Variants in RIF1 observed in about 807,000 individuals in gnomAD.
RIF1 encodes replication timing regulatory factor 1.
RIF1 carries 45 observed loss-of-function variants against 247.1 expected under a neutral mutation model. The ratio of observed to expected loss-of-function variants is 0.18; its 90% CI spans 0.14 to 0.23. The LOEUF is 0.23. Among genes scored for constraint, RIF1 ranks in the 10% least tolerant of loss-of-function variants. The probability of loss-of-function intolerance (pLI) is 1.00; values close to 1 mark genes in which losing one functional copy is unlikely to be tolerated. For synonymous variants in RIF1, 1,087 were observed against 978.8 expected, an observed-to-expected ratio of 1.11 and a Z score of -2.06; for missense variants, 2,967 against 2,862.5, an observed-to-expected ratio of 1.04 and a Z score of -0.83.
At chr2:151,482,987 C>T (rs1028210048), downstream of RIF1, among the ~76,000 whole-genome samples, 4 of 151,868 alleles carry the variant, frequency 2.6e-5, no homozygotes, top group Non-Finnish European at 5.9e-5. Context: ...CTAAATTTCC[C>T]TTTTATAAGG....
chr2:151,532,073 G>T, the RIF1 span: 2 of 554,214 alleles, frequency 3.6e-6, no homozygotes, highest in African/African-American at 3.8e-5. Flanking sequence ...GGAGTGAGCA[G>T]ATGATACTAC....
Position 151,498,001 on chromosome 2 carries a change from G to C in RIF1, c.*514-1344G>C, listed in dbSNP as rs910674725. ...CTCCTAAACAATCACATGAGGATTT[G>C]AGACTGTTAGAACTCGGTGTTGTTA... is the stretch of plus-strand genomic sequence containing the variant. On this transcript the variant is annotated intron_variant and NMD_transcript_variant, in intron 10 of 13. Coordinates refer to the RIF1 transcript ENST00000454583. 6.3e-6 allele frequency: 9 copies of C among 1,433,984 alleles called. No homozygotes were observed. In the East Asian group the frequency reaches 2.0e-4, roughly 32 times the overall value. 88.8% of individuals were successfully genotyped at this position (1,433,984 alleles called of 1,614,324 possible). A position where few individuals can be genotyped will look rare whatever the true frequency, so the allele number is the denominator to read the frequency against.
the RIF1 span, chr2:151,519,522 A>G: frequency 1.4e-6 from 1 of 690,760 alleles, no homozygotes. Context: ...TTCTGTTGGT[A>G]TGAAAACATT....
At chr2:151,439,845 C>T (rs1331861085) in intron 14 of RIF1, among the ~76,000 whole-genome samples, 182 bp from the exon 15 acceptor site, 2 of 150,762 alleles carry the variant, frequency 1.3e-5, no homozygotes, top group Middle Eastern at 3.4e-3. Flanking sequence ...TGGTGGTGCA[C>T]ACCTGTAATC....
chr2:151,528,472 GGTAC>G, the RIF1 span, among the ~76,000 whole-genome samples: 15 of 152,068 alleles, frequency 9.9e-5, no homozygotes, highest in Non-Finnish European at 4.4e-5. Context: ...GATTTTGCAA[GGTAC>G]GTTTTACTGC....
chr2:151,505,701 T>G, intron 12 of RIF1: 1 of 728,420 alleles, frequency 1.4e-6, no homozygotes, highest in South Asian at 1.6e-5. Flanking sequence ...GCTTTATACT[T>G]AGTGTGAATG....
intron 11 of RIF1, chr2:151,502,935 A>T: frequency 8.7e-7 from 1 of 1,150,630 alleles, no homozygotes; most frequent in Non-Finnish European, 1.3e-6. Flanking sequence ...AGGCACAGAG[A>T]GTAAGGAAGG....
intron 10 of RIF1, 124 bp from the exon 11 acceptor site, chr2:151,435,339 A>G (rs903189407): frequency 4.6e-6 from 3 of 647,544 alleles, no homozygotes; most frequent in African/African-American, 1.8e-5. Flanking sequence ...CTGTTTGTGC[A>G]TGGAAACGAT....
chr2:151,486,044 A>T, downstream of RIF1: 1 of 1,113,916 alleles, frequency 9.0e-7, no homozygotes, highest in South Asian at 1.5e-5. Context: ...AAGTTGAACA[A>T]AAGAGAATGT....
intron 20 of RIF1, among the ~76,000 whole-genome samples, chr2:151,447,364 G>T (rs1693500954): frequency 6.6e-6 from 1 of 152,172 alleles, no homozygotes; most frequent in Non-Finnish European, 1.5e-5. Context: ...ATATGCATTT[G>T]AATATATGGT....
chr2:151,466,157 A>G, intron 30 of RIF1, 37 bp downstream of exon 30: 1 of 1,331,272 alleles, frequency 7.5e-7, no homozygotes, highest in Non-Finnish European at 1.0e-6. Flanking sequence ...GGAACCCAGT[A>G]TTTGGTTGGG....
Position 151,455,027 on chromosome 2 carries a change from C to G in RIF1, c.2477C>G (p.Thr826Ser). Residue 826 changes from threonine (T) to serine (S), a missense_variant, in exon 22 of 36, where the codon ACC becomes AGC. Physicochemically the swap from Thr to Ser is moderately conservative, Grantham distance 58. Transcript: ENST00000444746. ...TLSFKEAHSD[T>S]LFTIGNSITG... ...AGCTTCAAGGAAGCACATTCTGATA[C>G]CCTCTTCACTATTGGCAACTCAATC... The G allele has an allele frequency of 1.9e-6, 3 of 1,613,860 alleles. No individual in the cohort carries two copies. Among genetic ancestry groups the G allele is most frequent in the Non-Finnish European group, 2.5e-6 (3 of 1,179,824 alleles).
intron 9 of RIF1, chr2:151,492,226 G>T (rs1161542873): frequency 6.2e-7 from 1 of 1,613,874 alleles, no homozygotes; most frequent in Admixed American, 1.7e-5. Context: ...GATAGGATCT[G>T]TCACCACTGG....
downstream of RIF1, among the ~76,000 whole-genome samples, chr2:151,509,329 AAC>A (rs1187308589): frequency 1.3e-5 from 2 of 152,082 alleles, no homozygotes; most frequent in African/African-American, 4.8e-5. Flanking sequence ...ATGTAAGGAA[AAC>A]AGTTCTCATT....
downstream of RIF1, among the ~76,000 whole-genome samples, chr2:151,510,697 A>G (rs2073535250): frequency 6.6e-6 from 1 of 152,176 alleles, no homozygotes; most frequent in African/African-American, 2.4e-5. Context: ...CTAATTTACA[A>G]ATTAAGCTTT....
chr2:151,410,147 G>T, intron 1 of RIF1, 114 bp downstream of exon 1: 2 of 671,512 alleles, frequency 3.0e-6, no homozygotes, highest in Non-Finnish European at 5.4e-6. Context: ...GCCCTCCGCC[G>T]ATCTCCTCCC....
At chr2:151,526,399 G>A in the RIF1 span, 2 of 682,670 alleles carry the variant, frequency 2.9e-6, no homozygotes, top group East Asian at 2.7e-5. Context: ...CAAATTTTGG[G>A]AAATATTCAA....
rs750121360 is a variant in RIF1, at chr2:151,505,509, C to T, written c.*862-701C>T. 5 of 1,613,822 alleles carry T rather than the reference C, an allele frequency of 3.1e-6. No individual in the cohort carries two copies. The South Asian group carries it at 3.3e-5, about 11-fold the overall frequency. ...AATGTGCTTCTGCGTCTCCTTCACA[C>T]GTTTCACTTCAGGCAGGTCAGGGAT... On this transcript the variant is annotated intron_variant and NMD_transcript_variant, in intron 12 of 13. Coordinates refer to the RIF1 transcript ENST00000454583.
exon 12 of RIF1, chr2:151,503,054 A>G (rs1197923482): frequency 1.7e-5 from 10 of 590,178 alleles, no homozygotes; most frequent in Admixed American, 3.4e-5. Context: ...GAACTCTACA[A>G]TGCTAATTCT....
Sources: allele counts gnomAD v4.1 joint callset (sites outside exome capture counted in the v4.1 genomes callset), GRCh38; gene constraint gnomAD v4.1.1; transcripts MANE v1.5; gene names NCBI Gene and HGNC (gene_info 2026-07-23, HGNC 2026-07-21).